The following ITGA2 variants were observed in gnomAD, a reference collection of about 807,000 sequenced individuals.
ITGA2 encodes the protein integrin subunit alpha 2, also known as integrin alpha-2.
Under a neutral mutation model 146.3 loss-of-function variants are expected in ITGA2, and 101 were observed. The ratio of observed to expected loss-of-function variants is 0.69; its 90% CI spans 0.59 to 0.81. The LOEUF (loss-of-function observed/expected upper bound fraction) is 0.81, where lower values mean the gene tolerates loss of function less well. Ranked by LOEUF, ITGA2 falls within the 40% of genes least tolerant of loss-of-function variation. The pLI, the probability that ITGA2 is intolerant of heterozygous loss-of-function variation, is 0.00. For missense variants in ITGA2, 1,281 were observed against 1,402.7 expected, an observed-to-expected ratio of 0.91 and a Z score of 1.39; for synonymous variants, 477 against 487.1, an observed-to-expected ratio of 0.98 and a Z score of 0.27.
At chr5:53,027,306 C>T (rs1742995486) in intron 2 of ITGA2, among the ~76,000 whole-genome samples, 1 of 152,122 alleles carries the variant, frequency 6.6e-6, no homozygotes, top group African/African-American at 2.4e-5. Context: ...GTTTTGTCTA[C>T]TTGCTTCATT....
chr5:53,020,022 AT>A (rs1230508318), intron 1 of ITGA2, among the ~76,000 whole-genome samples: 1 of 152,194 alleles, frequency 6.6e-6, no homozygotes, highest in Non-Finnish European at 1.5e-5. Flanking sequence ...GGTATTACCT[AT>A]TGTTTTAGGC....
chr5:53,075,170 G>A (rs763521802), intron 22 of ITGA2, 33 bp downstream of exon 22: 20 of 1,602,282 alleles, frequency 1.2e-5, no homozygotes, highest in Non-Finnish European at 1.7e-5. Flanking sequence ...ATGGAATGAT[G>A]GATAGCTTTG....
At position 53,042,411 on chromosome 5, in the gene ITGA2, G is replaced by A. The variant is rs2287950; in HGVS notation, c.295+190G>A. On this transcript the variant is annotated intron_variant, in intron 3 of 29. Coordinates refer to ENST00000296585, the MANE Select transcript of ITGA2 (RefSeq NM_002203.4). ...TTGGAGACTTGACTTAACAAGATGC[G>A]TGGAAAATGTGCTATCTCCTGGACC... 0.25 allele frequency among the ~76,000 whole-genome samples: 37,892 copies of A among 151,918 alleles called. 5,651 individuals carry two copies. Among genetic ancestry groups the A allele is most frequent in the South Asian group, 0.33 (1,594 of 4,818 alleles).
chr5:53,038,966 G>A lies in ITGA2; in HGVS notation c.186-3146G>A, dbSNP rs144973418. Among the ~76,000 whole-genome samples the A allele has an allele frequency of 5.5e-3, 835 of 152,254 alleles. 6 individuals are homozygous for A. The highest frequency in any genetic ancestry group is 0.018 in the African/African-American group (736 of 41,570). ...AAGATAGCTGGGCATAGTGGTACAT[G>A]TCTATAATCCCAGCTATTCAGGAGG... On this transcript the variant is annotated intron_variant, in intron 2 of 29. Coordinates refer to ENST00000296585, the MANE Select transcript of ITGA2 (RefSeq NM_002203.4).
At chr5:53,036,773 T>A (rs1328630791) in intron 2 of ITGA2, among the ~76,000 whole-genome samples, 3 of 152,140 alleles carry the variant, frequency 2.0e-5, no homozygotes, top group Non-Finnish European at 4.4e-5. Context: ...ACTGATTTAT[T>A]CACTAGTATA....
chr5:52,997,556 G>C (rs1741332519), intron 1 of ITGA2, among the ~76,000 whole-genome samples: 1 of 152,208 alleles, frequency 6.6e-6, no homozygotes, highest in Non-Finnish European at 1.5e-5. Context: ...CTATTGCACC[G>C]ATGGACGCCT....
chr5:52,999,962 C>A (rs562623391), intron 1 of ITGA2, among the ~76,000 whole-genome samples: 26 of 152,282 alleles, frequency 1.7e-4, no homozygotes, highest in African/African-American at 6.3e-4. Context: ...AATCACAAAT[C>A]CATTTCTCTA....
Position 53,061,044 on chromosome 5 carries a change from C to T in ITGA2, c.1456C>T (p.Gln486Ter). 7 of 1,611,878 alleles carry T rather than the reference C, an allele frequency of 4.3e-6. No individual in the cohort carries two copies. The highest frequency in any genetic ancestry group is 5.9e-6 in the Non-Finnish European group (7 of 1,178,576). The change falls in exon 12 of 30, where the codon CAG becomes TAG. Residue 486 changes from glutamine (Q) to a stop codon, truncating the protein, a stop_gained and splice_region_variant. Transcript: ENST00000296585. LOFTEE classifies it high-confidence loss of function. ...ITVIQAHRGDQIGSYFGSVLC... is the reference protein window; with the variant it reads ...ITVIQAHRGD ...GGTTATTCAGGCTCACCGAGGTGAC[C>T]AGGTAAATCTCACTGTTTAGCAGGT...
intron 2 of ITGA2, among the ~76,000 whole-genome samples, chr5:53,032,742 C>G (rs1190279207): frequency 6.6e-6 from 1 of 152,020 alleles, no homozygotes; most frequent in Admixed American, 6.6e-5. Flanking sequence ...TTGGCTTTAC[C>G]ATCAGCTGTT....
At chr5:53,007,117 T>C (rs1257186455) in intron 1 of ITGA2, among the ~76,000 whole-genome samples, 4 of 152,186 alleles carry the variant, frequency 2.6e-5, no homozygotes, top group East Asian at 1.9e-4. Context: ...CTTTAGAGAA[T>C]AGGACTTAAT....
chr5:53,090,602 C>G lies in ITGA2; in HGVS notation c.*3C>G, dbSNP rs1308828469. 6.2e-7 allele frequency: 1 copy of G among 1,612,378 alleles called. No individual in the cohort carries two copies. The highest frequency in any genetic ancestry group is 1.3e-5 in the African/African-American group (1 of 74,856). ...AGACCACAGAGCTCAGTAGCTGAACCAGCAGACCTACCTGCAGTGGGAACC... is the reference window on the plus strand; with the variant it reads ...AGACCACAGAGCTCAGTAGCTGAACGAGCAGACCTACCTGCAGTGGGAACC... On this transcript the variant is annotated 3_prime_UTR_variant, in exon 30 of 30. Coordinates refer to ENST00000296585, the MANE Select transcript of ITGA2 (RefSeq NM_002203.4).
intron 1 of ITGA2, among the ~76,000 whole-genome samples, chr5:53,018,132 G>A (rs1023835838): frequency 2.6e-5 from 4 of 152,134 alleles, no homozygotes; most frequent in Non-Finnish European, 5.9e-5. Context: ...TGCTCAGATA[G>A]GACTGGCCCC....
chr5:53,007,016 A>G (rs996274918), intron 1 of ITGA2, among the ~76,000 whole-genome samples: 1 of 152,208 alleles, frequency 6.6e-6, no homozygotes, highest in African/African-American at 2.4e-5. Context: ...GGGAGGTGTG[A>G]AAGTGAAAGG....
At chr5:53,083,252 G>A (rs934732381) in intron 26 of ITGA2, 88 bp from the exon 27 acceptor site, 19 of 809,724 alleles carry the variant, frequency 2.3e-5, no homozygotes, top group African/African-American at 2.2e-4. Flanking sequence ...TCCCAGCACT[G>A]AGTTTTATCT....
intron 21 of ITGA2, 77 bp downstream of exon 21, chr5:53,074,554 G>C (rs554419714): frequency 9.6e-6 from 11 of 1,142,612 alleles, no homozygotes; most frequent in Middle Eastern, 3.9e-4. Flanking sequence ...ATAACATCTT[G>C]CTATCATGAT....
At position 53,051,397 on chromosome 5, in the gene ITGA2, C is replaced by T. The variant is rs369013229; in HGVS notation, c.631-14C>T. 3 of 1,611,904 alleles carry T rather than the reference C, an allele frequency of 1.9e-6. No homozygotes were observed. In the African/African-American group the frequency reaches 4.0e-5, roughly 22 times the overall value. On this transcript the variant is annotated splice_polypyrimidine_tract_variant and intron_variant, in intron 6 of 29. Coordinates refer to ENST00000296585, the MANE Select transcript of ITGA2 (RefSeq NM_002203.4). ...GTAATGACAGCCCATTAATAAATGT[C>T]TCCTCTGTTGAAGGTGGGGTTAATT...
At chr5:53,073,509 CTCT>C (rs1745501569) in intron 20 of ITGA2, among the ~76,000 whole-genome samples, 1 of 151,922 alleles carries the variant, frequency 6.6e-6, no homozygotes, top group Non-Finnish European at 1.5e-5. Flanking sequence ...ACTCCCATAA[CTCT>C]TCTTGAGCTA....
rs1170871774 is a variant in ITGA2, at chr5:53,092,833, G to A, written c.*2234G>A. ...ACTATTTAAAAAGACAATGTGGCCA[G>A]GCACGGTGGCTCACACCTGTAATCC... On this transcript the variant is annotated 3_prime_UTR_variant, in exon 30 of 30. Coordinates refer to ENST00000296585, the MANE Select transcript of ITGA2 (RefSeq NM_002203.4). The A allele has an allele frequency of 1.3e-5, 2 of 152,262 alleles. No homozygotes were observed. Among genetic ancestry groups the A allele is most frequent in the African/African-American group, 4.8e-5 (2 of 41,436 alleles). The allele number at this position is 152,262 out of a possible 1,614,324, so 9.4% of individuals were successfully genotyped here.
At chr5:53,017,460 G>A (rs1212363801) in intron 1 of ITGA2, among the ~76,000 whole-genome samples, 1 of 152,186 alleles carries the variant, frequency 6.6e-6, no homozygotes, top group African/African-American at 2.4e-5. Flanking sequence ...CTGCACTGGA[G>A]GGGCCAAAGT....
Sources: gnomAD v4.1 joint callset for allele counts (sites outside exome capture counted in the v4.1 genomes callset) on GRCh38, gnomAD v4.1.1 for gene constraint, MANE v1.5 for transcripts, NCBI Gene and HGNC (gene_info 2026-07-23, HGNC 2026-07-21) for gene names.